The following NR5A2 variants were observed in gnomAD, a reference collection of about 807,000 sequenced individuals.
NR5A2 encodes the protein CYP7A promoter-binding factor.
Under a neutral mutation model 62.7 loss-of-function variants are expected in NR5A2, and 26 were observed. That is an observed-to-expected ratio of 0.41 (90% CI 0.30 to 0.58). The LOEUF (loss-of-function observed/expected upper bound fraction) is 0.58, where lower values mean the gene tolerates loss of function less well. Among genes scored for constraint, NR5A2 ranks in the 20% least tolerant of loss-of-function variants. The pLI is 0.22. For missense variants in NR5A2, 541 were observed against 669.1 expected (o/e 0.81, Z 2.11); for synonymous variants, 246 against 241.7 (o/e 1.02, Z -0.16).
In NR5A2 at chr1:200,168,691, A is replaced by G. The variant is rs749866402; in HGVS notation, c.1379-5272A>G. On this transcript the variant is annotated intron_variant, in intron 7 of 7. Coordinates refer to ENST00000367362, the MANE Select transcript of NR5A2 (RefSeq NM_205860.3). ...GAGACAGAATCTCAGTTTAGGTGTC[A>G]GCACCAAAATTATCCTGCCCTCCCC... Among the ~76,000 whole-genome samples the G allele has an allele frequency of 8.9e-4, 135 of 152,292 alleles. 1 individual carries two copies. Among genetic ancestry groups the G allele is most frequent in the Admixed American group, 1.9e-3 (29 of 15,284 alleles).
intron 5 of NR5A2, among the ~76,000 whole-genome samples, chr1:200,096,149 A>G (rs1278172858): frequency 6.6e-6 from 1 of 151,998 alleles, no homozygotes; most frequent in Non-Finnish European, 1.5e-5. Flanking sequence ...GCTGGAGTGC[A>G]CTATCTTAGC....
chr1:200,079,381 C>T (rs141034400), intron 5 of NR5A2, among the ~76,000 whole-genome samples: 3 of 152,054 alleles, frequency 2.0e-5, no homozygotes, highest in East Asian at 3.8e-4. Context: ...TTCACAGGCC[C>T]GCTGCTTTAC....
chr1:200,090,056 G>C (rs1018172147), intron 5 of NR5A2, among the ~76,000 whole-genome samples: 1 of 152,128 alleles, frequency 6.6e-6, no homozygotes, highest in African/African-American at 2.4e-5. Flanking sequence ...TCTGGGATGG[G>C]ATGTAAGATG....
intron 5 of NR5A2, among the ~76,000 whole-genome samples, chr1:200,078,620 T>A (rs2102230699): frequency 6.6e-6 from 1 of 152,264 alleles, no homozygotes; most frequent in East Asian, 1.9e-4. Context: ...ACCCCTCTAC[T>A]TTTTTTAGCC....
chr1:200,056,443 C>G (rs190027673), intron 5 of NR5A2, among the ~76,000 whole-genome samples: 1 of 152,302 alleles, frequency 6.6e-6, no homozygotes, highest in Admixed American at 6.5e-5. Context: ...AATGATAAAA[C>G]AGCTCTTTCA....
chr1:200,104,178 A>G (rs571733365), intron 5 of NR5A2, among the ~76,000 whole-genome samples: 2 of 152,244 alleles, frequency 1.3e-5, no homozygotes, highest in Middle Eastern at 6.8e-3. Flanking sequence ...CATTGGAATC[A>G]CCCCCAGTTA....
Position 200,134,224 on chromosome 1 carries a change from C to T in NR5A2, c.1378+13269C>T, listed in dbSNP as rs143516084. Among the ~76,000 whole-genome samples the T allele has an allele frequency of 1.1e-4, 17 of 152,046 alleles. No individual in the cohort carries two copies. In the East Asian group the frequency reaches 3.1e-3, roughly 28 times the overall value. ...AATATTTTTTATAAATTTAATGTAG[C>T]CTATGTGTACACTGTTTATAAAGTC... On this transcript the variant is annotated intron_variant, in intron 7 of 7. Coordinates refer to ENST00000367362, the MANE Select transcript of NR5A2 (RefSeq NM_205860.3).
At chr1:200,108,081 CGTGTGTGTGTGTGTGTGTGT>C (rs71132660) in intron 5 of NR5A2, among the ~76,000 whole-genome samples, 2 of 146,766 alleles carry the variant, frequency 1.4e-5, no homozygotes, top group Non-Finnish European at 3.0e-5. Context: ...AGAAGACATA[CGTGTGTGTGTGTGTGTGTGT>C]GTGTGTGTGT....
intron 1 of NR5A2, among the ~76,000 whole-genome samples, chr1:200,038,186 A>AT (rs1661869951): frequency 2.0e-5 from 3 of 152,194 alleles, no homozygotes; most frequent in African/African-American, 7.2e-5. Context: ...TCTTTAAAAC[A>AT]TTTTTTAAAT....
At chr1:200,049,089 TA>T (rs1231759954) in intron 5 of NR5A2, among the ~76,000 whole-genome samples, 1 of 152,098 alleles carries the variant, frequency 6.6e-6, no homozygotes, top group Non-Finnish European at 1.5e-5. Context: ...AATAGTAGAA[TA>T]TCTGTATTCC....
chr1:200,087,262 A>C (rs1372136528), intron 5 of NR5A2, among the ~76,000 whole-genome samples: 1 of 151,708 alleles, frequency 6.6e-6, no homozygotes, highest in African/African-American at 2.4e-5. Flanking sequence ...ACACACACAC[A>C]CACACCCTTC....
At chr1:200,121,146 G>A (rs1378391289) in intron 7 of NR5A2, among the ~76,000 whole-genome samples, 191 bp downstream of exon 7, 4 of 152,122 alleles carry the variant, frequency 2.6e-5, no homozygotes, top group East Asian at 1.9e-4. Flanking sequence ...CAGTGGATAC[G>A]TTGGGGAATG....
At chr1:200,109,243 T>A (rs1244034193) in intron 5 of NR5A2, among the ~76,000 whole-genome samples, 2 of 152,226 alleles carry the variant, frequency 1.3e-5, no homozygotes, top group African/African-American at 4.8e-5. Context: ...TGCTGGGGGA[T>A]GCCTTTTCCT....
Position 200,045,503 on chromosome 1 carries a change from T to C in NR5A2, c.382T>C (p.Cys128Arg), listed in dbSNP as rs1481006455. 1 of 1,613,122 alleles carries C rather than the reference T, an allele frequency of 6.2e-7. No individual in the cohort carries two copies. Among genetic ancestry groups the C allele is most frequent in the Non-Finnish European group, 8.5e-7 (1 of 1,179,404 alleles). ...GTACACATGTATAGAAAACCAGAACTGCCAAATTGACAAAACACAGAGAAA... is the reference window on the plus strand; with the variant it reads ...GTACACATGTATAGAAAACCAGAACCGCCAAATTGACAAAACACAGAGAAA... ...KRYTCIENQNCQIDKTQRKRC... is the reference protein window; with the variant it reads ...KRYTCIENQNRQIDKTQRKRC... The change falls in exon 4 of 8, where the codon TGC becomes CGC. Residue 128 changes from cysteine to arginine, a missense_variant. Cys to Arg is a radical substitution (Grantham distance 180). This residue lies in a region of NR5A2 where 54 missense variants were observed against 123.8 expected (regional missense o/e 0.44). Coordinates refer to ENST00000367362, the MANE Select transcript of NR5A2 (RefSeq NM_205860.3).
rs571664318 is a variant in NR5A2 at position 200,140,010 on chromosome 1, TTTGA to T, written c.1378+19058_1378+19061del. 2.7e-3 allele frequency among the ~76,000 whole-genome samples: 417 copies of T among 152,322 alleles called. 2 individuals are homozygous for T. The highest frequency in any genetic ancestry group is 4.5e-3 in the Non-Finnish European group (305 of 68,034). Reference sequence around the variant, plus strand: ...TTAAAATTTCCAAACAAATGGAGGTTTTGATTATCTTTTTATTTTTGGATTATAA... The same window carrying T: ...TTAAAATTTCCAAACAAATGGAGGTTTTATCTTTTTATTTTTGGATTATAA... On this transcript the variant is annotated intron_variant, in intron 7 of 7. Coordinates refer to ENST00000367362, the MANE Select transcript of NR5A2 (RefSeq NM_205860.3).
chr1:200,107,827 C>T (rs1380724285), intron 5 of NR5A2, among the ~76,000 whole-genome samples: 2 of 150,366 alleles, frequency 1.3e-5, no homozygotes, highest in Non-Finnish European at 1.5e-5. Flanking sequence ...GACGGGGTTT[C>T]ACCATGTTGG....
chr1:200,127,709 AATATATATATATATAT>A (rs71132667), intron 7 of NR5A2, among the ~76,000 whole-genome samples: 1 of 23,188 alleles, frequency 4.3e-5, no homozygotes, highest in African/African-American at 2.0e-4. Flanking sequence ...AAAAAAAAAA[AATATATATATATATAT>A]ATATATGGTA....
At chr1:200,033,408 A>C (rs1315615099) in intron 1 of NR5A2, among the ~76,000 whole-genome samples, 1 of 152,058 alleles carries the variant, frequency 6.6e-6, no homozygotes, top group East Asian at 1.9e-4. Flanking sequence ...TCAATTAAAA[A>C]AAAAAGCACT....
chr1:200,133,504 A>T (rs928862021), intron 7 of NR5A2, among the ~76,000 whole-genome samples: 1 of 110,720 alleles, frequency 9.0e-6, no homozygotes, highest in Non-Finnish European at 1.8e-5. Context: ...TCACTGATGG[A>T]CTATATATAT....
Sources: gnomAD v4.1 joint callset for allele counts (sites outside exome capture counted in the v4.1 genomes callset) on GRCh38, gnomAD v4.1.1 for gene constraint, gnomAD v4.1.1 regional missense constraint, MANE v1.5 for transcripts, NCBI Gene and HGNC (gene_info 2026-07-23, HGNC 2026-07-21) for gene names.